GRIN2A: variants seen among roughly 807,000 people sequenced by gnomAD.
The protein encoded by GRIN2A is glutamate ionotropic receptor NMDA type subunit 2A, also known as glutamate receptor ionotropic, NMDA 2A.
GRIN2A carries 22 observed loss-of-function variants against 113.4 expected under a neutral mutation model. The observed-to-expected ratio is 0.19, with a 90% CI of 0.14 to 0.28. The LOEUF (loss-of-function observed/expected upper bound fraction) is 0.28, where lower values mean the gene tolerates loss of function less well. Among genes scored for constraint, GRIN2A ranks in the 10% least tolerant of loss-of-function variants. GRIN2A has a pLI of 1.00. For synonymous variants in GRIN2A, 827 were observed against 738.4 expected (o/e 1.12, Z -1.94); for missense variants, 1,502 against 1,887.0 (o/e 0.80, Z 3.78).
chr16:9,891,363 T>C (rs908075161), intron 3 of GRIN2A, among the ~76,000 whole-genome samples: 1 of 152,222 alleles, frequency 6.6e-6, no homozygotes, highest in Non-Finnish European at 1.5e-5. Context: ...AATGATCTTC[T>C]TACAGGAAGA....
In GRIN2A at chr16:9,759,127, T is replaced by C. The variant is rs1900474772; in HGVS notation, c.*4022A>G. ...AATGTGCATAATGTTAACGAATATA[T>C]CCAGCTCCTCTGTAAGGTATTTAGA... On this transcript the variant is annotated 3_prime_UTR_variant, in exon 13 of 13. Coordinates refer to ENST00000330684, the MANE Select transcript of GRIN2A (RefSeq NM_001134407.3). 1 of 217,632 alleles carries C rather than the reference T, an allele frequency of 4.6e-6. No individual in the cohort carries two copies. The highest frequency in any genetic ancestry group is 9.2e-6 in the Non-Finnish European group (1 of 108,330). 13.5% of individuals were successfully genotyped at this position (217,632 alleles called of 1,614,324 possible). A position where few individuals can be genotyped will look rare whatever the true frequency, so the allele number is the denominator to read the frequency against.
At chr16:10,105,143 C>G (rs1185564630) in intron 2 of GRIN2A, among the ~76,000 whole-genome samples, 1 of 51,040 alleles carries the variant, frequency 2.0e-5, no homozygotes, top group Non-Finnish European at 4.1e-5. Context: ...GAGATGGAAG[C>G]CTGGAGAAGC....
At chr16:9,852,863 T>A (rs971713146) in intron 4 of GRIN2A, among the ~76,000 whole-genome samples, 1 of 152,224 alleles carries the variant, frequency 6.6e-6, no homozygotes, top group Non-Finnish European at 1.5e-5. Flanking sequence ...TCCATAAATA[T>A]GTGTTGAGTG....
rs1399799313 is a variant in GRIN2A, at chr16:10,110,370, TTTTAATAAA to T, written c.414+69619_414+69627del. On this transcript the variant is annotated intron_variant, in intron 2 of 12. Transcript: ENST00000330684. ...CTCATCAAGGTAAATAGTTTGGATTTTTTAATAAATTCTAATGGACGCTATTACATGGTT... is the reference window on the plus strand; with the variant it reads ...CTCATCAAGGTAAATAGTTTGGATTTTTCTAATGGACGCTATTACATGGTT... 3.3e-5 allele frequency among the ~76,000 whole-genome samples: 5 copies of T among 152,350 alleles called. No homozygotes were observed. In the East Asian group the frequency reaches 9.6e-4, roughly 29 times the overall value.
chr16:10,099,424 G>C (rs1211799195), intron 2 of GRIN2A, among the ~76,000 whole-genome samples: 1 of 152,178 alleles, frequency 6.6e-6, no homozygotes, highest in South Asian at 2.1e-4. Flanking sequence ...TTCAGCACTG[G>C]GAGAAGCAAA....
intron 4 of GRIN2A, among the ~76,000 whole-genome samples, chr16:9,883,927 A>T (rs938275304): frequency 1.3e-5 from 2 of 152,214 alleles, no homozygotes; most frequent in African/African-American, 2.4e-5. Flanking sequence ...CTTCTGGAAC[A>T]TCGGTATCAT....
intron 2 of GRIN2A, among the ~76,000 whole-genome samples, chr16:10,123,619 T>G (rs1249026603): frequency 6.6e-6 from 1 of 152,148 alleles, no homozygotes; most frequent in Non-Finnish European, 1.5e-5. Flanking sequence ...CGAGGGATCT[T>G]GTTAAGAGGC....
At chr16:9,789,984 T>C (rs541411424) in intron 11 of GRIN2A, among the ~76,000 whole-genome samples, 18 of 152,204 alleles carry the variant, frequency 1.2e-4, no homozygotes, top group Non-Finnish European at 2.2e-4. Flanking sequence ...ACTATGGATA[T>C]GAAACTTGTC....
Position 9,885,406 on chromosome 16 carries a change from G to C in GRIN2A, c.1122+5580C>G, listed in dbSNP as rs529542833. Among the ~76,000 whole-genome samples, 97 of 152,292 alleles carry C rather than the reference G, an allele frequency of 6.4e-4. 1 individual carries two copies. The highest frequency in any genetic ancestry group is 6.0e-3 in the South Asian group (29 of 4,826). On this transcript the variant is annotated intron_variant, in intron 4 of 12. Coordinates refer to ENST00000330684, the MANE Select transcript of GRIN2A (RefSeq NM_001134407.3). The stretch of plus-strand genomic sequence containing the variant: ...CAAAATCACTGAAGAACAAGGGAGA[G>C]AGAAAAGGCATGGAAGTCCCGATTT...
At chr16:10,147,358 C>T (rs1272094190) in intron 2 of GRIN2A, among the ~76,000 whole-genome samples, 2 of 149,788 alleles carry the variant, frequency 1.3e-5, no homozygotes, top group Non-Finnish European at 2.9e-5. Flanking sequence ...ACTGTAATCC[C>T]AGCACTTTGG....
intron 10 of GRIN2A, among the ~76,000 whole-genome samples, chr16:9,819,293 G>A (rs1187606950): frequency 5.3e-5 from 8 of 152,122 alleles, no homozygotes; most frequent in Non-Finnish European, 7.4e-5. Context: ...GCTGAGGCAG[G>A]AGAATGGCTT....
rs2050287570 is a variant in GRIN2A at position 10,182,302 on chromosome 16, C to T, written c.-444G>A. On this transcript the variant is annotated 5_prime_UTR_variant, in exon 1 of 13. Transcript: ENST00000330684. ...AGGGTGCACAGGAGAATGGGAGCCC[C>T]AGGTTGGCCACCCACGAGAAGCTAA... 1 of 152,294 alleles carries T rather than the reference C, an allele frequency of 6.6e-6. No homozygotes were observed. The highest frequency in any genetic ancestry group is 6.5e-5 in the Admixed American group (1 of 15,284). The allele number at this position is 152,294 out of a possible 1,614,324, so 9.4% of individuals were successfully genotyped here. A position where few individuals can be genotyped will look rare whatever the true frequency, so the allele number is the denominator to read the frequency against.
chr16:10,005,906 A>G (rs2046397129), intron 2 of GRIN2A, among the ~76,000 whole-genome samples: 1 of 152,248 alleles, frequency 6.6e-6, no homozygotes, highest in African/African-American at 2.4e-5. Flanking sequence ...ACACACATTT[A>G]CACAAACCTC....
intron 3 of GRIN2A, among the ~76,000 whole-genome samples, chr16:9,918,571 C>T (rs897286720): frequency 5.3e-5 from 8 of 152,042 alleles, no homozygotes; most frequent in African/African-American, 9.7e-5. Flanking sequence ...TGTATAGGTT[C>T]GAGTCATTCA....
At chr16:9,818,483 A>G (rs1311295115) in intron 10 of GRIN2A, among the ~76,000 whole-genome samples, 1 of 152,146 alleles carries the variant, frequency 6.6e-6, no homozygotes, top group Non-Finnish European at 1.5e-5. Context: ...AAAAGATAAA[A>G]TCTGCATGGA....
chr16:9,832,072 T>A (rs1186011845), intron 8 of GRIN2A, among the ~76,000 whole-genome samples: 1 of 150,974 alleles, frequency 6.6e-6, no homozygotes, highest in Middle Eastern at 3.2e-3. Flanking sequence ...GCACGCATCA[T>A]CACGCCAGGC....
At chr16:10,167,579 T>C (rs2049950104) in intron 2 of GRIN2A, among the ~76,000 whole-genome samples, 1 of 152,166 alleles carries the variant, frequency 6.6e-6, no homozygotes, top group Admixed American at 6.5e-5. Context: ...ATTAATATTT[T>C]CCCTCCTGAA....
chr16:10,134,963 C>A (rs2049161922), intron 2 of GRIN2A, among the ~76,000 whole-genome samples: 1 of 152,108 alleles, frequency 6.6e-6, no homozygotes, highest in Non-Finnish European at 1.5e-5. Flanking sequence ...TCAGCCATAC[C>A]CTTTCCTAAC....
intron 2 of GRIN2A, among the ~76,000 whole-genome samples, chr16:10,154,061 C>T (rs1428313603): frequency 1.3e-5 from 2 of 152,168 alleles, no homozygotes; most frequent in Non-Finnish European, 2.9e-5. Flanking sequence ...TCCTCTCGTT[C>T]CAGGCACATG....
Sources: gnomAD v4.1 joint callset for allele counts (sites outside exome capture counted in the v4.1 genomes callset) on GRCh38, gnomAD v4.1.1 for gene constraint, MANE v1.5 for transcripts, NCBI Gene and HGNC (gene_info 2026-07-23, HGNC 2026-07-21) for gene names.